The following LONP2 variants were observed in gnomAD, a reference collection of about 807,000 sequenced individuals.
The protein encoded by LONP2 is lon peptidase 2, peroxisomal.
In LONP2, 60 loss-of-function variants were observed where a neutral mutation model predicts 85.6. The observed-to-expected ratio is 0.70, with a 90% CI of 0.57 to 0.87. The LOEUF is 0.87. LONP2 is among the 40% of genes least tolerant of loss of function. The probability of loss-of-function intolerance (pLI) is 0.00; values close to 1 mark genes in which losing one functional copy is unlikely to be tolerated. For missense variants in LONP2, 860 were observed against 1,063.5 expected, an observed-to-expected ratio of 0.81 and a Z score of 2.66; for synonymous variants, 395 against 389.7, an observed-to-expected ratio of 1.01 and a Z score of -0.16.
intron 6 of LONP2, among the ~76,000 whole-genome samples, chr16:48,267,302 T>G (rs1339652094): frequency 6.6e-6 from 1 of 152,154 alleles, no homozygotes; most frequent in Non-Finnish European, 1.5e-5. Flanking sequence ...AAAATGCCAT[T>G]CATATATATA....
Position 48,356,701 on chromosome 16 carries a change from G to C in LONP2, c.*4899G>C. 2.6e-6 allele frequency: 1 copy of C among 386,684 alleles called. No homozygotes were observed. Among genetic ancestry groups the C allele is most frequent in the Non-Finnish European group, 5.2e-6 (1 of 193,126 alleles). 24.0% of individuals were successfully genotyped at this position (386,684 alleles called of 1,614,324 possible). On this transcript the variant is annotated 3_prime_UTR_variant, in exon 15 of 15. Transcript: ENST00000285737. ...ATCAAAAAGGTCTGAATAGACAACA[G>C]GCAAATATGGTGAGTGGTCATTGAG...
intron 3 of LONP2, among the ~76,000 whole-genome samples, chr16:48,258,138 G>A (rs1408060384): frequency 6.6e-6 from 1 of 152,084 alleles, no homozygotes; most frequent in Non-Finnish European, 1.5e-5. Flanking sequence ...ACGAGGTCAG[G>A]AGATCGAGAC....
intron 12 of LONP2, among the ~76,000 whole-genome samples, chr16:48,343,100 T>C (rs1959863288): frequency 6.6e-6 from 1 of 152,210 alleles, no homozygotes; most frequent in South Asian, 2.1e-4. Context: ...CACTGGAGTA[T>C]AACTGCTCCT....
intron 8 of LONP2, among the ~76,000 whole-genome samples, chr16:48,286,217 C>T (rs1369401663): frequency 2.0e-5 from 3 of 148,812 alleles, no homozygotes; most frequent in African/African-American, 7.5e-5. Flanking sequence ...TCTTGGCTCA[C>T]TGCAAGCTCC....
chr16:48,357,604 C>CA (rs564033264), downstream of LONP2, among the ~76,000 whole-genome samples: 18 of 152,224 alleles, frequency 1.2e-4, no homozygotes, highest in Non-Finnish European at 2.2e-4. Context: ...ACTGACCCCC[C>CA]AGGTATGTTG....
In LONP2 at chr16:48,315,263, G is replaced by A. The variant is rs149735400; in HGVS notation, c.1795+11958G>A. ...TTTGACTTTGTTAACAGACATGTCA[G>A]ACAATCATGTGGTGAAGTGTGATTT... On this transcript the variant is annotated intron_variant, in intron 11 of 14. Coordinates refer to ENST00000285737, the MANE Select transcript of LONP2 (RefSeq NM_031490.5). 2.6e-4 allele frequency among the ~76,000 whole-genome samples: 39 copies of A among 152,310 alleles called. No individual in the cohort carries two copies. In the East Asian group the frequency reaches 7.3e-3, roughly 29 times the overall value.
chr16:48,301,116 C>T (rs981020109), intron 10 of LONP2, among the ~76,000 whole-genome samples: 10 of 152,054 alleles, frequency 6.6e-5, no homozygotes, highest in South Asian at 6.2e-4. Context: ...ATTCCAGGCA[C>T]GTTTTTGGAT....
intron 11 of LONP2, among the ~76,000 whole-genome samples, chr16:48,320,867 T>C (rs1003048141): frequency 1.3e-5 from 2 of 152,194 alleles, no homozygotes; most frequent in Non-Finnish European, 2.9e-5. Context: ...GAATTCCAAT[T>C]GGGGACAGGA....
At chr16:48,266,200 T>TCAC (rs1029198657) in intron 6 of LONP2, among the ~76,000 whole-genome samples, 20 of 152,106 alleles carry the variant, frequency 1.3e-4, no homozygotes, top group African/African-American at 4.6e-4. Flanking sequence ...AGACGGGGTT[T>TCAC]CACCATGTTG....
intron 11 of LONP2, among the ~76,000 whole-genome samples, chr16:48,306,050 G>C (rs897298719): frequency 6.6e-6 from 1 of 152,148 alleles, no homozygotes; most frequent in Non-Finnish European, 1.5e-5. Flanking sequence ...TTAAGACCTA[G>C]ATCTAGATGC....
intron 8 of LONP2, among the ~76,000 whole-genome samples, chr16:48,278,723 A>G (rs1362560569): frequency 6.6e-6 from 1 of 152,024 alleles, no homozygotes; most frequent in East Asian, 1.9e-4. Flanking sequence ...GGATTCTGAA[A>G]TTTCCTAATA....
Position 48,356,427 on chromosome 16 carries a change from GGTT to G in LONP2, c.*4629_*4631del, listed in dbSNP as rs1242309188. The G allele has an allele frequency of 6.6e-6, 1 of 151,094 alleles. No homozygotes were observed. The highest frequency in any genetic ancestry group is 1.5e-5 in the Non-Finnish European group (1 of 68,208). 9.4% of individuals were successfully genotyped at this position (151,094 alleles called of 1,614,324 possible). On this transcript the variant is annotated 3_prime_UTR_variant, in exon 15 of 15. Coordinates refer to ENST00000285737, the MANE Select transcript of LONP2 (RefSeq NM_031490.5). Reference sequence around the variant, plus strand: ...TTAGATGTAAACATCAAGTAGTTTTGGTTGTTTCAATGAAGTAACATGTTTAAG... The same window carrying G: ...TTAGATGTAAACATCAAGTAGTTTTGGTTTCAATGAAGTAACATGTTTAAG...
intron 11 of LONP2, among the ~76,000 whole-genome samples, chr16:48,308,728 T>C (rs1392822247): frequency 2.0e-5 from 3 of 151,794 alleles, no homozygotes; most frequent in South Asian, 2.1e-4. Context: ...AAAATTCTTC[T>C]AGACGTTGCC....
intron 8 of LONP2, among the ~76,000 whole-genome samples, chr16:48,278,016 A>AT (rs1972250531): frequency 6.7e-6 from 1 of 150,202 alleles, no homozygotes; most frequent in African/African-American, 2.5e-5. Flanking sequence ...CGCAATAAGA[A>AT]TTTTTTTCTT....
At chr16:48,264,785 A>G (rs926724846) in intron 6 of LONP2, among the ~76,000 whole-genome samples, 5 of 152,200 alleles carry the variant, frequency 3.3e-5, no homozygotes, top group African/African-American at 1.2e-4. Context: ...GAACTAATAA[A>G]TGTCCATAAA....
chr16:48,357,596 T>C (rs1398186505), downstream of LONP2, among the ~76,000 whole-genome samples: 1 of 152,232 alleles, frequency 6.6e-6, no homozygotes, highest in Non-Finnish European at 1.5e-5. Context: ...AGTCACAGAC[T>C]GACCCCCCAG....
At chr16:48,333,672 GAGAGAGAGAA>G (rs1491148421) in intron 11 of LONP2, among the ~76,000 whole-genome samples, 1 of 151,280 alleles carries the variant, frequency 6.6e-6, no homozygotes. Context: ...GTGTTGGGGG[GAGAGAGAGAA>G]AGAGAGAGAG....
intron 11 of LONP2, among the ~76,000 whole-genome samples, chr16:48,314,316 C>A (rs1973096866): frequency 6.6e-6 from 1 of 152,128 alleles, no homozygotes; most frequent in African/African-American, 2.4e-5. Flanking sequence ...AATTAGATCC[C>A]ATTTGTCAAT....
At chr16:48,335,133 C>T (rs1295697901) in intron 12 of LONP2, among the ~76,000 whole-genome samples, 1 of 152,162 alleles carries the variant, frequency 6.6e-6, no homozygotes, top group Admixed American at 6.6e-5. Context: ...AGGACAATGC[C>T]TCTGACTCTT....
Sources: allele counts gnomAD v4.1 joint callset (sites outside exome capture counted in the v4.1 genomes callset), GRCh38; gene constraint gnomAD v4.1.1; transcripts MANE v1.5; gene names NCBI Gene and HGNC (gene_info 2026-07-23, HGNC 2026-07-21).